Variants in PKNOX1 observed in about 807,000 individuals in gnomAD.
The protein encoded by PKNOX1 is homeobox protein PKNOX1.
In PKNOX1, 15 loss-of-function variants were observed where a neutral mutation model predicts 51.9. The ratio of observed to expected loss-of-function variants is 0.29; its 90% CI spans 0.19 to 0.45. PKNOX1 has a LOEUF of 0.45. PKNOX1 is among the 20% of genes least tolerant of loss of function. PKNOX1 has a pLI of 1.00. For missense variants in PKNOX1, 462 were observed against 547.5 expected (o/e 0.84, Z 1.56); for synonymous variants, 219 against 211.1 (o/e 1.04, Z -0.32).
At chr21:43,028,471 G>C in intron 9 of PKNOX1, 1 of 510,982 alleles carries the variant, frequency 2.0e-6, no homozygotes, top group East Asian at 3.3e-5. Context: ...TGCCATGGAC[G>C]AGTTGGTGCT....
Position 43,030,410 on chromosome 21 carries a change from C to T in PKNOX1, c.*309C>T, listed in dbSNP as rs777892519. On this transcript the variant is annotated 3_prime_UTR_variant, in exon 11 of 11. Transcript: ENST00000291547. Reference sequence around the variant, plus strand: ...AATCCCTAATTAGATTAAGGAATAGCGCTGCCATTTTCTAAACCGTGATGC... The same window carrying T: ...AATCCCTAATTAGATTAAGGAATAGTGCTGCCATTTTCTAAACCGTGATGC... 2.8e-5 allele frequency: 6 copies of T among 210,846 alleles called. No individual in the cohort carries two copies. Among genetic ancestry groups the T allele is most frequent in the East Asian group, 2.1e-4 (2 of 9,644 alleles). The allele number at this position is 210,846 out of a possible 1,614,324, so 13.1% of individuals were successfully genotyped here.
chr21:42,975,156 C>G (rs1387765710), intron 1 of PKNOX1, among the ~76,000 whole-genome samples: 1 of 145,330 alleles, frequency 6.9e-6, no homozygotes, highest in Non-Finnish European at 1.5e-5. Context: ...CCGGTCGGGT[C>G]CGCGGCCTCG....
At chr21:43,016,448 G>A (rs2146280319) in intron 5 of PKNOX1, among the ~76,000 whole-genome samples, 1 of 152,342 alleles carries the variant, frequency 6.6e-6, no homozygotes, top group East Asian at 1.9e-4. Context: ...AGCACAGCTT[G>A]GAATACCTCA....
intron 1 of PKNOX1, among the ~76,000 whole-genome samples, chr21:42,983,455 A>C (rs891578243): frequency 2.0e-5 from 3 of 152,134 alleles, no homozygotes; most frequent in Admixed American, 6.5e-5. Flanking sequence ...TCTATGTTGT[A>C]GTGTGTGTCA....
At chr21:42,983,926 T>C (rs559668535) in intron 1 of PKNOX1, among the ~76,000 whole-genome samples, 1 of 152,322 alleles carries the variant, frequency 6.6e-6, no homozygotes, top group East Asian at 1.9e-4. Flanking sequence ...GGCATCTTAC[T>C]GTCATTTTGA....
intron 1 of PKNOX1, among the ~76,000 whole-genome samples, chr21:42,985,944 T>A (rs1170029388): frequency 6.9e-6 from 1 of 145,012 alleles, no homozygotes; most frequent in Non-Finnish European, 1.5e-5. Flanking sequence ...GAGATTGCAG[T>A]GAGCTGAAAT....
At chr21:42,991,397 A>G (rs1304389634) in intron 1 of PKNOX1, among the ~76,000 whole-genome samples, 7 of 152,108 alleles carry the variant, frequency 4.6e-5, no homozygotes, top group Non-Finnish European at 5.9e-5. Flanking sequence ...TGGTGGCTTA[A>G]CTATACAGAG....
intron 1 of PKNOX1, among the ~76,000 whole-genome samples, chr21:42,985,267 G>T (rs370393318): frequency 6.6e-6 from 1 of 151,978 alleles, no homozygotes; most frequent in Admixed American, 6.6e-5. Context: ...GATTACAGGC[G>T]TGAGCCACTG....
At chr21:43,010,830 C>T (rs1400426878) in intron 4 of PKNOX1, among the ~76,000 whole-genome samples, 1 of 151,876 alleles carries the variant, frequency 6.6e-6, no homozygotes, top group East Asian at 1.9e-4. Flanking sequence ...TGCCACTGCA[C>T]TCCAGCCTGG....
At chr21:43,004,552 T>C in intron 2 of PKNOX1, 120 bp downstream of exon 2, 1 of 735,496 alleles carries the variant, frequency 1.4e-6, no homozygotes, top group Non-Finnish European at 2.5e-6. Context: ...GTTAGTGTAT[T>C]ATGCATTTAT....
intron 4 of PKNOX1, among the ~76,000 whole-genome samples, chr21:43,011,235 T>G (rs907997101): frequency 7.3e-5 from 11 of 151,260 alleles, no homozygotes; most frequent in Non-Finnish European, 1.6e-4. Flanking sequence ...GCCCGGCTAA[T>G]TTTTTTTGTA....
At chr21:42,985,056 C>T (rs1041785662) in intron 1 of PKNOX1, among the ~76,000 whole-genome samples, 2 of 132,454 alleles carry the variant, frequency 1.5e-5, no homozygotes, top group African/African-American at 5.7e-5. Flanking sequence ...GGCACGATCT[C>T]GGCTCACTGC....
intron 1 of PKNOX1, among the ~76,000 whole-genome samples, chr21:42,984,974 CTTTTTTTT>C (rs71195904): frequency 1.0e-4 from 6 of 57,996 alleles, no homozygotes; most frequent in East Asian, 5.8e-4. Context: ...ATTTTCTTTT[CTTTTTTTT>C]TTTTTTTTTT....
chr21:43,007,615 A>G lies in PKNOX1; in HGVS notation c.176A>G (p.Tyr59Cys), dbSNP rs1055393403. ...TPMDVDKQAI[Y>C]RHPLFPLLAL... ...ATGGATGTGGACAAGCAGGCCATTTATAGGTAGTGCCCGGGGTGCCGGCTG... is the reference window on the plus strand; with the variant it reads ...ATGGATGTGGACAAGCAGGCCATTTGTAGGTAGTGCCCGGGGTGCCGGCTG... Residue 59 changes from tyrosine to cysteine, a missense_variant, in exon 3 of 11, where the codon TAT becomes TGT. Around this residue, in one of 5 missense-constraint regions of PKNOX1, gnomAD observed 129 missense variants for 133.4 expected, o/e 0.97. Coordinates refer to ENST00000291547, the MANE Select transcript of PKNOX1 (RefSeq NM_004571.5). 6.2e-7 allele frequency: 1 copy of G among 1,614,112 alleles called. No individual in the cohort carries two copies. Among genetic ancestry groups the G allele is most frequent in the Non-Finnish European group, 8.5e-7 (1 of 1,180,002 alleles).
At chr21:43,025,620 G>T (rs1979954818) in intron 9 of PKNOX1, among the ~76,000 whole-genome samples, 1 of 152,326 alleles carries the variant, frequency 6.6e-6, no homozygotes, top group African/African-American at 2.4e-5. Flanking sequence ...TTCCTAGGTG[G>T]CACTGAAGTG....
chr21:42,986,358 A>G (rs1210657339), intron 1 of PKNOX1, among the ~76,000 whole-genome samples: 8 of 151,758 alleles, frequency 5.3e-5, no homozygotes, highest in Admixed American at 2.6e-4. Context: ...AAAATTAGCC[A>G]GGCATGGTGG....
chr21:43,026,022 A>C (rs917666009), intron 9 of PKNOX1, among the ~76,000 whole-genome samples: 6 of 152,308 alleles, frequency 3.9e-5, no homozygotes, highest in African/African-American at 1.4e-4. Context: ...TTGTTGCTGC[A>C]GTGGTTGTTA....
At position 43,033,068 on chromosome 21, in the gene PKNOX1, G is replaced by A. The variant is rs1375897945; in HGVS notation, c.*2967G>A. On this transcript the variant is annotated 3_prime_UTR_variant, in exon 11 of 11. Coordinates refer to ENST00000291547, the MANE Select transcript of PKNOX1 (RefSeq NM_004571.5). The stretch of plus-strand genomic sequence containing the variant: ...TTCCCTATGAAGGCTCCTTTTGAAT[G>A]TGTCTTGAGACCCAAATTGAGCATG... The A allele has an allele frequency of 1.3e-5, 2 of 152,212 alleles. No individual in the cohort carries two copies. The highest frequency in any genetic ancestry group is 2.9e-5 in the Non-Finnish European group (2 of 68,032). The allele number at this position is 152,212 out of a possible 1,614,324, so 9.4% of individuals were successfully genotyped here. A position where few individuals can be genotyped will look rare whatever the true frequency, so the allele number is the denominator to read the frequency against.
intron 1 of PKNOX1, among the ~76,000 whole-genome samples, chr21:42,995,262 TCA>T (rs1978448949): frequency 6.6e-6 from 1 of 152,238 alleles, no homozygotes; most frequent in Non-Finnish European, 1.5e-5. Context: ...AGAGTGCCTC[TCA>T]GTTTGGGTTC....
Sources: allele counts gnomAD v4.1 joint callset (sites outside exome capture counted in the v4.1 genomes callset), GRCh38; gene constraint gnomAD v4.1.1; regional missense constraint gnomAD v4.1.1; transcripts MANE v1.5; gene names NCBI Gene and HGNC (gene_info 2026-07-23, HGNC 2026-07-21).